Variants in CFAP47 observed in about 807,000 individuals in gnomAD.
CFAP47 encodes the protein cilia and flagella associated protein 47.
CFAP47 carries 29 observed loss-of-function variants against 148.1 expected under a neutral mutation model. The observed-to-expected ratio is 0.20, with a 90% CI of 0.15 to 0.27. CFAP47 has a LOEUF of 0.27. Ranked by LOEUF, CFAP47 falls within the 10% of genes least tolerant of loss-of-function variation. CFAP47 has a pLI of 1.00. For synonymous variants in CFAP47, 664 were observed against 577.3 expected (o/e 1.15, Z -2.15); for missense variants, 1,872 against 1,697.5 (o/e 1.10, Z -1.81).
intron 49 of CFAP47, among the ~76,000 whole-genome samples, chrX:36,260,378 G>A (rs946331807): frequency 1.8e-5 from 2 of 111,557 alleles, no homozygotes; most frequent in Admixed American, 9.4e-5. Flanking sequence ...TCACAACCTC[G>A]CTAGCATCTA....
intron 33 of CFAP47, among the ~76,000 whole-genome samples, chrX:36,108,814 T>C (rs1293962616): frequency 7.3e-5 from 8 of 109,382 alleles, no homozygotes; most frequent in African/African-American, 2.7e-4. Flanking sequence ...TTCACTTTTA[T>C]TTTAAGTTCA....
chrX:36,187,827 A>G (rs1451474879), intron 40 of CFAP47, among the ~76,000 whole-genome samples: 1 of 111,807 alleles, frequency 8.9e-6, no homozygotes, highest in Non-Finnish European at 1.9e-5. Context: ...TCAAATGGTG[A>G]AAAGGAATGG....
intron 48 of CFAP47, among the ~76,000 whole-genome samples, chrX:36,243,240 A>G (rs1334680051): frequency 9.0e-6 from 1 of 111,330 alleles, no homozygotes; most frequent in African/African-American, 3.3e-5. Context: ...ACTTAAGCAC[A>G]TAGCCCATAG....
chrX:36,145,103 GTGTGTGTA>G, intron 35 of CFAP47, 108 bp from the exon 36 acceptor site: 1 of 322,564 alleles, frequency 3.1e-6, no homozygotes, highest in Non-Finnish European at 5.3e-6. Flanking sequence ...GTGTGTGTGT[GTGTGTGTA>G]TGTGTGTGTA....
At chrX:36,097,686 T>C (rs1938301869) in intron 30 of CFAP47, among the ~76,000 whole-genome samples, 1 of 111,100 alleles carries the variant, frequency 9.0e-6, no homozygotes, top group South Asian at 3.7e-4. Flanking sequence ...TTTCTTAAAA[T>C]TTTTGATATT....
intron 13 of CFAP47, among the ~76,000 whole-genome samples, chrX:35,972,808 G>T (rs898644040): frequency 9.0e-6 from 1 of 111,034 alleles, no homozygotes; most frequent in African/African-American, 3.3e-5. Context: ...TTGAGGCTAT[G>T]ATCAATAATG....
At chrX:36,118,480 A>T (rs1938680926) in intron 33 of CFAP47, among the ~76,000 whole-genome samples, 1 of 109,986 alleles carries the variant, frequency 9.1e-6, no homozygotes, top group African/African-American at 3.3e-5. Context: ...TTATTTATTT[A>T]TTTTTTTGAG....
intron 33 of CFAP47, among the ~76,000 whole-genome samples, chrX:36,105,710 C>T (rs1487762652): frequency 9.0e-6 from 1 of 111,703 alleles, no homozygotes; most frequent in Non-Finnish European, 1.9e-5. Flanking sequence ...AAACAAAGTA[C>T]AAATAAATAA....
At chrX:36,073,481 A>G (rs1318430067) in intron 29 of CFAP47, 117 bp downstream of exon 29, 4 of 488,170 alleles carry the variant, frequency 8.2e-6, no homozygotes, top group South Asian at 4.8e-5. Flanking sequence ...CTAAACTGAT[A>G]TATTATGAAG....
chrX:36,209,068 A>C (rs1555989153), intron 45 of CFAP47, among the ~76,000 whole-genome samples: 1 of 112,548 alleles, frequency 8.9e-6, no homozygotes, highest in Admixed American at 9.4e-5. Context: ...CCACAAATAC[A>C]TTTCAAACAG....
chrX:35,990,785 G>A (rs1328292190), intron 16 of CFAP47, among the ~76,000 whole-genome samples: 1 of 110,787 alleles, frequency 9.0e-6, no homozygotes, highest in African/African-American at 3.3e-5. Flanking sequence ...ACCTAGTTTG[G>A]GAGTATATTT....
intron 33 of CFAP47, among the ~76,000 whole-genome samples, chrX:36,125,029 G>A (rs1405840987): frequency 1.8e-5 from 2 of 111,044 alleles, no homozygotes; most frequent in Non-Finnish European, 3.8e-5. Context: ...AGATCAATTG[G>A]CTGATACTTT....
At chrX:36,190,548 A>T (rs1456106140) in intron 42 of CFAP47, among the ~76,000 whole-genome samples, 1 of 112,464 alleles carries the variant, frequency 8.9e-6, no homozygotes, top group Non-Finnish European at 1.9e-5. Flanking sequence ...TATGACCTAG[A>T]TAGATATTCC....
At chrX:36,099,630 T>C (rs1376960596) in intron 31 of CFAP47, 121 bp from the exon 32 acceptor site, 2 of 386,711 alleles carry the variant, frequency 5.2e-6, no homozygotes, top group East Asian at 8.5e-5. Flanking sequence ...TATTGGCACA[T>C]TGCAAATTAG....
chrX:36,104,687 C>G lies in CFAP47; in HGVS notation c.5316C>G (p.His1772Gln), dbSNP rs749595439. 8 of 776,997 alleles carry G rather than the reference C, an allele frequency of 1.0e-5. No homozygotes were observed. Among genetic ancestry groups the G allele is most frequent in the Non-Finnish European group, 1.5e-5 (8 of 534,947 alleles). The allele number at this position is 776,997 out of a possible 1,213,427, so 64.0% of individuals were successfully genotyped here. The part of the protein sequence containing the change: ...NTRHVIWKNC[H>Q]KDVIPSERWI... ...GACATGTGATATGGAAAAACTGTCACAAAGGTGAGAAGTGATATTTTTCTT... is the reference window on the plus strand; with the variant it reads ...GACATGTGATATGGAAAAACTGTCAGAAAGGTGAGAAGTGATATTTTTCTT... Residue 1772 changes from histidine (H) to glutamine (Q), a missense_variant, in exon 33 of 64, where the codon CAC becomes CAG. His to Gln is a conservative substitution (Grantham distance 24, BLOSUM62 0). Transcript: ENST00000378653.
intron 2 of CFAP47, among the ~76,000 whole-genome samples, chrX:35,926,402 G>A (rs1197748738): frequency 8.9e-6 from 1 of 111,835 alleles, no homozygotes; most frequent in African/African-American, 3.3e-5. Flanking sequence ...TTGCAAACTT[G>A]TATTCACATT....
chrX:36,061,604 T>A (rs146950834), intron 26 of CFAP47, among the ~76,000 whole-genome samples: 1,837 of 112,517 alleles, frequency 0.016, 42 homozygotes, highest in African/African-American at 0.056. Flanking sequence ...TTTTTGTGCA[T>A]GTGAGTAAAG....
intron 55 of CFAP47, among the ~76,000 whole-genome samples, chrX:36,308,573 T>C (rs1365876905): frequency 9.0e-6 from 1 of 111,442 alleles, no homozygotes; most frequent in African/African-American, 3.2e-5. Flanking sequence ...AACAGGCATC[T>C]AAAGAAAATA....
chrX:35,960,393 A>G (rs1936312404), intron 8 of CFAP47, among the ~76,000 whole-genome samples: 1 of 101,838 alleles, frequency 9.8e-6, no homozygotes, highest in African/African-American at 3.7e-5. Context: ...AAAAAAAAAA[A>G]AAAAAAAAAA....
Sources: gnomAD v4.1 joint callset for allele counts (sites outside exome capture counted in the v4.1 genomes callset) on GRCh38, gnomAD v4.1.1 for gene constraint, MANE v1.5 for transcripts, NCBI Gene and HGNC (gene_info 2026-07-23, HGNC 2026-07-21) for gene names.